Variants in MAP2K4 observed in about 807,000 individuals in gnomAD.
MAP2K4 encodes mitogen-activated protein kinase kinase 4, also known as dual specificity mitogen-activated protein kinase kinase 4.
MAP2K4 carries 4 observed loss-of-function variants against 48.5 expected under a neutral mutation model. That is an observed-to-expected ratio of 0.08 (90% CI 0.04 to 0.19). The LOEUF (loss-of-function observed/expected upper bound fraction) is 0.19. Ranked by LOEUF, MAP2K4 falls within the 10% of genes least tolerant of loss-of-function variation. The pLI is 1.00. For synonymous variants in MAP2K4, 166 were observed against 173.1 expected (o/e 0.96, Z 0.32); for missense variants, 258 against 493.3 (o/e 0.52, Z 4.52).
intron 7 of MAP2K4, among the ~76,000 whole-genome samples, chr17:12,118,283 C>T (rs1972566764): frequency 6.6e-6 from 1 of 151,852 alleles, no homozygotes; most frequent in Non-Finnish European, 1.5e-5. Context: ...TGAGACAGCC[C>T]CTGCAAGATT....
At chr17:12,047,087 A>C (rs1197617893) in intron 1 of MAP2K4, among the ~76,000 whole-genome samples, 1 of 152,124 alleles carries the variant, frequency 6.6e-6, no homozygotes, top group Admixed American at 6.6e-5. Context: ...TTCTGGGTTA[A>C]ATTTTTTTTT....
At chr17:12,048,561 A>G (rs964662835) in intron 1 of MAP2K4, among the ~76,000 whole-genome samples, 3 of 152,154 alleles carry the variant, frequency 2.0e-5, no homozygotes, top group Non-Finnish European at 4.4e-5. Context: ...GATAGGGGCA[A>G]TATAATATTA....
At chr17:12,066,149 TA>T in intron 2 of MAP2K4, among the ~76,000 whole-genome samples, 1 of 151,034 alleles carries the variant, frequency 6.6e-6, no homozygotes, top group Non-Finnish European at 1.5e-5. Flanking sequence ...TTTTTTTTTT[TA>T]ATACAGAGAA....
At chr17:12,047,764 A>T (rs1970014332) in intron 1 of MAP2K4, among the ~76,000 whole-genome samples, 1 of 152,192 alleles carries the variant, frequency 6.6e-6, no homozygotes, top group African/African-American at 2.4e-5. Context: ...AACTAATATC[A>T]TAGTAGTTAC....
At chr17:12,088,506 TC>T (rs1456890850) in intron 3 of MAP2K4, among the ~76,000 whole-genome samples, 5 of 110,198 alleles carry the variant, frequency 4.5e-5, no homozygotes, top group Non-Finnish European at 9.9e-5. Context: ...TAATATATTA[TC>T]TATAATATGT....
At chr17:12,074,330 G>C (rs1449607967) in intron 2 of MAP2K4, among the ~76,000 whole-genome samples, 5 of 152,098 alleles carry the variant, frequency 3.3e-5, no homozygotes, top group Non-Finnish European at 7.4e-5. Context: ...AGATTATTGT[G>C]TGATGGCTGT....
intron 9 of MAP2K4, among the ~76,000 whole-genome samples, chr17:12,138,995 G>GA (rs1973293628): frequency 6.6e-6 from 1 of 152,268 alleles, no homozygotes; most frequent in South Asian, 2.1e-4. Context: ...CCCCACAGTG[G>GA]AAGAATAAGT....
At chr17:12,103,063 A>G (rs959598477) in intron 4 of MAP2K4, among the ~76,000 whole-genome samples, 17 of 148,294 alleles carry the variant, frequency 1.1e-4, no homozygotes, top group African/African-American at 4.2e-4. Context: ...AAAAAAAGTC[A>G]GGGTCTTGCT....
At chr17:12,048,692 T>C (rs563914228) in intron 1 of MAP2K4, among the ~76,000 whole-genome samples, 26 of 152,266 alleles carry the variant, frequency 1.7e-4, no homozygotes, top group African/African-American at 6.0e-4. Context: ...GTTTCACTCT[T>C]GTCACCCAGG....
rs951608162 is a variant in MAP2K4 at position 12,034,298 on chromosome 17, C to T, written c.115+13297C>T. 7.9e-5 allele frequency among the ~76,000 whole-genome samples: 12 copies of T among 152,136 alleles called. 1 individual carries two copies. The highest frequency in any genetic ancestry group is 7.2e-4 in the Admixed American group (11 of 15,274). On this transcript the variant is annotated intron_variant, in intron 1 of 10. Coordinates refer to ENST00000353533, the MANE Select transcript of MAP2K4 (RefSeq NM_003010.4). Reference sequence around the variant, plus strand: ...TAGAAATGATAGGTTTGCAGTGCGGCCTGCTTTGATACATATGGAAGAATT... The same window carrying T: ...TAGAAATGATAGGTTTGCAGTGCGGTCTGCTTTGATACATATGGAAGAATT...
At chr17:12,117,230 C>G (rs1187678232) in intron 7 of MAP2K4, among the ~76,000 whole-genome samples, 1 of 152,022 alleles carries the variant, frequency 6.6e-6, no homozygotes, top group Non-Finnish European at 1.5e-5. Context: ...CTAAAAAAAA[C>G]AAACAAGAAT....
intron 2 of MAP2K4, among the ~76,000 whole-genome samples, chr17:12,072,593 T>C (rs765813761): frequency 6.6e-6 from 1 of 152,198 alleles, no homozygotes; most frequent in Non-Finnish European, 1.5e-5. Flanking sequence ...GAGTATATGA[T>C]AAGAATATCA....
chr17:12,100,765 G>A (rs115165273), intron 4 of MAP2K4, among the ~76,000 whole-genome samples: 1,699 of 152,190 alleles, frequency 0.011, 28 homozygotes, highest in African/African-American at 0.038. Flanking sequence ...TCTAGTAAAT[G>A]TGTGGTGGAA....
intron 9 of MAP2K4, among the ~76,000 whole-genome samples, chr17:12,135,407 AT>A (rs1295486439): frequency 6.6e-6 from 1 of 151,876 alleles, no homozygotes; most frequent in Non-Finnish European, 1.5e-5. Context: ...TCTTAAAAAA[AT>A]TTTTGTAGAG....
chr17:12,055,621 C>T (rs1020772787), intron 2 of MAP2K4, among the ~76,000 whole-genome samples: 1 of 151,846 alleles, frequency 6.6e-6, no homozygotes, highest in South Asian at 2.1e-4. Flanking sequence ...CTGGCAGATA[C>T]ATTTTTTTTT....
intron 5 of MAP2K4, 144 bp from the exon 6 acceptor site, chr17:12,110,231 G>T: frequency 1.5e-6 from 1 of 648,806 alleles, no homozygotes; most frequent in Non-Finnish European, 2.7e-6. Context: ...AGTATCTTTG[G>T]TTAACAAGAA....
chr17:12,140,076 C>T (rs1973328149), intron 10 of MAP2K4, among the ~76,000 whole-genome samples, 192 bp downstream of exon 10: 1 of 152,124 alleles, frequency 6.6e-6, no homozygotes, highest in Non-Finnish European at 1.5e-5. Context: ...TCTACTAATA[C>T]TAGCTAAATT....
rs545540508 is a variant in MAP2K4, at chr17:12,097,504, A to G, written c.513+1810A>G. On this transcript the variant is annotated intron_variant, in intron 4 of 10. Coordinates refer to ENST00000353533, the MANE Select transcript of MAP2K4 (RefSeq NM_003010.4). ...CAAAGATGTGGAAACAAAGCACGGA[A>G]GCTTGGAGTGGTGTCTGAACAATAT... 1.2e-4 allele frequency among the ~76,000 whole-genome samples: 18 copies of G among 152,346 alleles called. No individual in the cohort carries two copies. The East Asian group carries it at 3.3e-3, about 28-fold the overall frequency.
At chr17:12,129,006 C>T in intron 8 of MAP2K4, 133 bp from the exon 9 acceptor site, 3 of 713,142 alleles carry the variant, frequency 4.2e-6, no homozygotes, top group East Asian at 2.7e-5. Context: ...AGATTCCTCC[C>T]CAAGCTAACC....
Sources: gnomAD v4.1 joint callset for allele counts (sites outside exome capture counted in the v4.1 genomes callset) on GRCh38, gnomAD v4.1.1 for gene constraint, MANE v1.5 for transcripts, NCBI Gene and HGNC (gene_info 2026-07-23, HGNC 2026-07-21) for gene names.